The following VRK3 variants were observed in gnomAD, a reference collection of about 807,000 sequenced individuals.
VRK3 encodes serine/threonine-protein kinase VRK3.
In VRK3, 50 loss-of-function variants were observed where a neutral mutation model predicts 60.4. The observed-to-expected ratio is 0.83, with a 90% CI of 0.66 to 1.05. The LOEUF is 1.05. Among genes scored for constraint, VRK3 ranks in the 50% least tolerant of loss-of-function variants. The probability of loss-of-function intolerance (pLI) is 0.00; values close to 1 mark genes in which losing one functional copy is unlikely to be tolerated. For missense variants in VRK3, 549 were observed against 585.3 expected (o/e 0.94, Z 0.64); for synonymous variants, 246 against 227.8 (o/e 1.08, Z -0.72).
Position 50,002,612 on chromosome 19 carries a change from T to C in VRK3, c.548-1758A>G, listed in dbSNP as rs565612749. ...ATTTTATAATCTGCTTTGCAGATTA[T>C]AAAAAGCTTTTCTCTTTCACTTTTC... On this transcript the variant is annotated intron_variant, in intron 5 of 14. Transcript: ENST00000316763. Among the ~76,000 whole-genome samples, 13 of 152,316 alleles carry C rather than the reference T, an allele frequency of 8.5e-5. No individual in the cohort carries two copies. In the South Asian group the frequency reaches 2.5e-3, roughly 29 times the overall value.
Position 50,009,294 on chromosome 19 carries a change from G to C in VRK3, c.231C>G (p.Phe77Leu). 1 of 1,614,200 alleles carries C rather than the reference G, an allele frequency of 6.2e-7. No homozygotes were observed. The highest frequency in any genetic ancestry group is 1.1e-5 in the South Asian group (1 of 91,082). ...CAGACTCAGAACTGTCACCATCTGA[G>C]AAGAGGGATAATCGGGGAGAGGTGA... ...STVTSPRLSLFSDGDSSESED... is the reference protein window; with the variant it reads ...STVTSPRLSLLSDGDSSESED... The change falls in exon 4 of 15, where the codon TTC (phenylalanine) becomes TTG (leucine). Residue 77 changes from phenylalanine (F) to leucine (L), a missense_variant. Coordinates refer to ENST00000316763, the MANE Select transcript of VRK3 (RefSeq NM_016440.4).
intron 14 of VRK3, 123 bp from the exon 15 acceptor site, chr19:49,976,907 A>G (rs722121): frequency 0.053 from 8,115 of 152,334 alleles, 717 homozygotes; most frequent in African/African-American, 0.19. Context: ...TGGGGATGTC[A>G]TCATGACCAT....
chr19:49,991,390 T>C (rs1360300322), intron 10 of VRK3, among the ~76,000 whole-genome samples: 1 of 152,176 alleles, frequency 6.6e-6, no homozygotes, highest in Non-Finnish European at 1.5e-5. Flanking sequence ...TTCTTGGGTC[T>C]CAGGCCTGCT....
chr19:50,024,268 A>G (rs779664500), intron 1 of VRK3, among the ~76,000 whole-genome samples: 1 of 152,164 alleles, frequency 6.6e-6, no homozygotes, highest in Admixed American at 6.5e-5. Flanking sequence ...CCTATTACAT[A>G]TTACAACACC....
At chr19:50,004,596 T>C (rs143850770) in intron 5 of VRK3, among the ~76,000 whole-genome samples, 1 of 152,276 alleles carries the variant, frequency 6.6e-6, no homozygotes, top group African/African-American at 2.4e-5. Flanking sequence ...GCTGGCAGCA[T>C]TACATGGGTA....
intron 5 of VRK3, among the ~76,000 whole-genome samples, chr19:50,004,297 C>T (rs2076857889): frequency 6.6e-6 from 1 of 152,006 alleles, no homozygotes; most frequent in South Asian, 2.1e-4. Flanking sequence ...GCCCTCTCCC[C>T]ACCCTGCTCT....
chr19:49,995,039 C>T, intron 8 of VRK3, 120 bp from the exon 9 acceptor site: 1 of 1,278,182 alleles, frequency 7.8e-7, no homozygotes, highest in South Asian at 1.4e-5. Flanking sequence ...ATCAAAGGTT[C>T]TGACTGGCTG....
At chr19:49,994,098 CT>C (rs2076659086) in intron 9 of VRK3, among the ~76,000 whole-genome samples, 1 of 152,214 alleles carries the variant, frequency 6.6e-6, no homozygotes, top group Non-Finnish European at 1.5e-5. Context: ...CAGTGCCATA[CT>C]GCAGATACTG....
chr19:50,017,684 T>C (rs1020503933), intron 2 of VRK3, among the ~76,000 whole-genome samples: 33 of 152,154 alleles, frequency 2.2e-4, no homozygotes, highest in African/African-American at 7.5e-4. Context: ...TTTTTAAATT[T>C]TTTTAGAGAT....
In VRK3 at chr19:50,012,678, C is replaced by T. The variant is rs190591392; in HGVS notation, c.140-3293G>A. Among the ~76,000 whole-genome samples the T allele has an allele frequency of 5.9e-5, 9 of 152,198 alleles. No homozygotes were observed. The East Asian group carries it at 1.7e-3, about 29-fold the overall frequency. ...CTTTGGGAGGCCAGGAGTTTAAGAC[C>T]AGCCTGGCCAACATGGGGAAAGCCG... On this transcript the variant is annotated intron_variant, in intron 3 of 14. Coordinates refer to ENST00000316763, the MANE Select transcript of VRK3 (RefSeq NM_016440.4).
intron 13 of VRK3, among the ~76,000 whole-genome samples, chr19:49,979,958 G>A (rs1237817920): frequency 6.6e-6 from 1 of 152,138 alleles, no homozygotes; most frequent in Non-Finnish European, 1.5e-5. Context: ...GCAGAGGCAG[G>A]AGAATGGCTT....
intron 3 of VRK3, among the ~76,000 whole-genome samples, chr19:50,010,513 C>G (rs1392022782): frequency 1.3e-5 from 2 of 152,226 alleles, no homozygotes; most frequent in East Asian, 3.8e-4. Flanking sequence ...GTGGTACCCA[C>G]ATCTCACCAC....
At chr19:49,992,810 G>A (rs755941361) in intron 10 of VRK3, 50 bp downstream of exon 10, 42 of 1,554,054 alleles carry the variant, frequency 2.7e-5, no homozygotes, top group Admixed American at 6.7e-5. Context: ...GGAGACAGAT[G>A]GGAACCTGAG....
chr19:50,008,454 C>G (rs2076938759), intron 4 of VRK3, among the ~76,000 whole-genome samples: 1 of 152,150 alleles, frequency 6.6e-6, no homozygotes, highest in Admixed American at 6.5e-5. Flanking sequence ...GCCTCTGGGC[C>G]CAGAGGATAA....
At chr19:49,998,625 T>G (rs1343228746) in intron 6 of VRK3, 2 of 152,134 alleles carry the variant, frequency 1.3e-5, no homozygotes. Flanking sequence ...CTCCATTATA[T>G]GCTGAGTATT....
At chr19:49,995,097 G>A (rs1313180425) in intron 8 of VRK3, 94 bp downstream of exon 8, 2 of 1,407,040 alleles carry the variant, frequency 1.4e-6, no homozygotes, top group Admixed American at 2.0e-5. Context: ...GCAAAGACCT[G>A]GCCCACGGCT....
chr19:50,023,267 A>C (rs34507995), intron 1 of VRK3, among the ~76,000 whole-genome samples: 59,311 of 151,986 alleles, frequency 0.39, 12,702 homozygotes, highest in East Asian at 0.74. Context: ...CTTACTGCAA[A>C]CTCTGCCTCC....
At chr19:50,010,118 CACATATAT>C (rs1400863605) in intron 3 of VRK3, among the ~76,000 whole-genome samples, 1 of 152,038 alleles carries the variant, frequency 6.6e-6, no homozygotes, top group Non-Finnish European at 1.5e-5. Flanking sequence ...TACACACATA[CACATATAT>C]ACATATATAG....
At chr19:49,984,537 T>C (rs552246848) in intron 12 of VRK3, among the ~76,000 whole-genome samples, 63 of 152,274 alleles carry the variant, frequency 4.1e-4, no homozygotes, top group African/African-American at 1.1e-3. Flanking sequence ...ACTCCCGACA[T>C]TGGGGCTGCG....
Sources: allele counts gnomAD v4.1 joint callset (sites outside exome capture counted in the v4.1 genomes callset), GRCh38; gene constraint gnomAD v4.1.1; transcripts MANE v1.5; gene names NCBI Gene and HGNC (gene_info 2026-07-23, HGNC 2026-07-21).